PLEKHA1: variants seen among roughly 807,000 people sequenced by gnomAD.
PLEKHA1 encodes pleckstrin homology domain-containing family A member 1.
In PLEKHA1, 34 loss-of-function variants were observed where a neutral mutation model predicts 52.0. The ratio of observed to expected loss-of-function variants is 0.65; its 90% CI spans 0.50 to 0.87. The LOEUF is 0.87. Ranked by LOEUF, PLEKHA1 falls within the 40% of genes least tolerant of loss-of-function variation. The pLI is 0.00. For missense variants in PLEKHA1, 497 were observed against 504.2 expected (o/e 0.99, Z 0.14); for synonymous variants, 163 against 170.7 (o/e 0.95, Z 0.35).
intron 3 of PLEKHA1, 36 bp from the exon 4 acceptor site, chr10:122,400,307 G>T (rs968420602): frequency 6.4e-6 from 10 of 1,573,518 alleles, no homozygotes; most frequent in Middle Eastern, 1.7e-4. Context: ...GGATTATATG[G>T]AGAAGTGAGG....
chr10:122,383,270 A>AT (rs1241827562), intron 1 of PLEKHA1, among the ~76,000 whole-genome samples: 16 of 137,690 alleles, frequency 1.2e-4, no homozygotes, highest in Non-Finnish European at 1.4e-4. Context: ...CCCAGATAAC[A>AT]TTTTTTTCTT....
In PLEKHA1 at chr10:122,384,251, G is replaced by A. The variant is rs542766579; in HGVS notation, c.-20-8930G>A. Among the ~76,000 whole-genome samples, 32 of 152,226 alleles carry A rather than the reference G, an allele frequency of 2.1e-4. No individual in the cohort carries two copies. The South Asian group carries it at 6.4e-3, about 31-fold the overall frequency. ...GATTAGCCCTTTGTTTATGATATAA[G>A]TTGCAAATATTTTCTACTGGCTTTG... On this transcript the variant is annotated intron_variant, in intron 1 of 11. Transcript: ENST00000368990.
chr10:122,414,819 A>G (rs2097151191), intron 6 of PLEKHA1, among the ~76,000 whole-genome samples: 1 of 152,176 alleles, frequency 6.6e-6, no homozygotes, highest in South Asian at 2.1e-4. Flanking sequence ...TTGAGGAGAA[A>G]CATAATCTCT....
the PLEKHA1 span, chr10:122,438,332 T>C: frequency 6.6e-6 from 1 of 152,042 alleles, no homozygotes; most frequent in Non-Finnish European, 1.5e-5. Flanking sequence ...AAAAGAAAGA[T>C]TGATGATGTA....
chr10:122,405,724 G>C (rs2097000801), intron 4 of PLEKHA1, among the ~76,000 whole-genome samples: 1 of 152,050 alleles, frequency 6.6e-6, no homozygotes, highest in Non-Finnish European at 1.5e-5. Context: ...GGGCTAGAGA[G>C]ACAAAAGAGA....
At chr10:122,412,325 TC>T (rs1292763613) in intron 5 of PLEKHA1, 1 of 152,250 alleles carries the variant, frequency 6.6e-6, no homozygotes, top group African/African-American at 2.4e-5. Flanking sequence ...TATTCTTTTT[TC>T]TGCTGACTTT....
At chr10:122,376,953 T>TC (rs1207120912) in intron 1 of PLEKHA1, among the ~76,000 whole-genome samples, 2 of 152,086 alleles carry the variant, frequency 1.3e-5, no homozygotes, top group Non-Finnish European at 2.9e-5. Context: ...TATGGGGACT[T>TC]CCCCCCACAA....
At chr10:122,413,184 G>A (rs900763356) in intron 6 of PLEKHA1, 139 bp downstream of exon 6, 234 of 768,854 alleles carry the variant, frequency 3.0e-4, no homozygotes, top group Admixed American at 1.0e-3. Context: ...TATTTCAAAA[G>A]TATTTATTAT....
chr10:122,374,731 G>C lies in PLEKHA1; in HGVS notation c.-96G>C, dbSNP rs898701755. 2 of 151,788 alleles carry C rather than the reference G, an allele frequency of 1.3e-5. No individual in the cohort carries two copies. The highest frequency in any genetic ancestry group is 1.3e-4 in the Admixed American group (2 of 15,224). 9.4% of individuals were successfully genotyped at this position (151,788 alleles called of 1,614,324 possible). On this transcript the variant is annotated 5_prime_UTR_variant, in exon 1 of 12. Transcript: ENST00000368990. Reference sequence around the variant, plus strand: ...GCGCAGTGCGCGGGCTGGCCGTCGCGGACGCCGCTCCGGGCAGCCGAGCCT... The same window carrying C: ...GCGCAGTGCGCGGGCTGGCCGTCGCCGACGCCGCTCCGGGCAGCCGAGCCT...
chr10:122,398,183 A>G (rs79581661), intron 3 of PLEKHA1, among the ~76,000 whole-genome samples: 7,728 of 152,204 alleles, frequency 0.051, 253 homozygotes, highest in East Asian at 0.14. Flanking sequence ...GGATGTGGCA[A>G]ATTGCAAAAG....
the PLEKHA1 span, chr10:122,440,808 TAAGAC>T: frequency 2.6e-5 from 4 of 152,256 alleles, no homozygotes; most frequent in South Asian, 2.1e-4. Flanking sequence ...GGGACATAAA[TAAGAC>T]AAGCAAAATG....
intron 5 of PLEKHA1, among the ~76,000 whole-genome samples, chr10:122,407,946 C>G (rs887349013): frequency 1.3e-5 from 2 of 152,100 alleles, no homozygotes; most frequent in Admixed American, 1.3e-4. Context: ...AGAGTTTAGT[C>G]GAATCTTTTT....
At chr10:122,420,779 A>G (rs1232877693) in intron 8 of PLEKHA1, 1 of 152,210 alleles carries the variant, frequency 6.6e-6, no homozygotes, top group Non-Finnish European at 1.5e-5. Context: ...GGCATCCAAG[A>G]GGAACCAGTG....
chr10:122,416,073 A>G, intron 7 of PLEKHA1, 71 bp downstream of exon 7: 1 of 1,467,220 alleles, frequency 6.8e-7, no homozygotes, highest in South Asian at 1.4e-5. Flanking sequence ...ATTAACATGG[A>G]AATTGTTTGC....
chr10:122,378,112 C>CT, intron 1 of PLEKHA1, among the ~76,000 whole-genome samples: 1 of 152,122 alleles, frequency 6.6e-6, no homozygotes, highest in East Asian at 1.9e-4. Flanking sequence ...AATTTAACCT[C>CT]TTGAAGGAAA....
chr10:122,388,095 T>C (rs1270998099), intron 1 of PLEKHA1: 12 of 152,194 alleles, frequency 7.9e-5, no homozygotes, highest in Admixed American at 7.2e-4. Context: ...ACAGTGTCAG[T>C]GTTGTGCAAC....
At chr10:122,424,659 A>G (rs895459028) in intron 9 of PLEKHA1, among the ~76,000 whole-genome samples, 1 of 152,204 alleles carries the variant, frequency 6.6e-6, no homozygotes, top group Admixed American at 6.5e-5. Flanking sequence ...TGTTTCACCA[A>G]ACTGATTACT....
At chr10:122,384,390 C>T (rs189573493) in intron 1 of PLEKHA1, among the ~76,000 whole-genome samples, 193 of 150,440 alleles carry the variant, frequency 1.3e-3, no homozygotes, top group African/African-American at 3.3e-3. Context: ...GGGCGGATCA[C>T]GTGGTCAGGA....
At chr10:122,386,838 C>G (rs574406412) in intron 1 of PLEKHA1, 1 of 152,208 alleles carries the variant, frequency 6.6e-6, no homozygotes, top group South Asian at 2.1e-4. Context: ...TATTTCTAGG[C>G]TTTGACTTTT....
Sources: gnomAD v4.1 joint callset for allele counts (sites outside exome capture counted in the v4.1 genomes callset) on GRCh38, gnomAD v4.1.1 for gene constraint, MANE v1.5 for transcripts, NCBI Gene and HGNC (gene_info 2026-07-23, HGNC 2026-07-21) for gene names.